Variants in NELL1 observed in about 807,000 individuals in gnomAD.
NELL1 encodes the protein neural EGFL like 1, also known as protein kinase C-binding protein NELL1.
In NELL1, 76 loss-of-function variants were observed where a neutral mutation model predicts 107.4. The ratio of observed to expected loss-of-function variants is 0.71; its 90% confidence interval spans 0.59 to 0.86. The LOEUF is 0.86. Ranked by LOEUF, NELL1 falls within the 40% of genes least tolerant of loss-of-function variation. NELL1 has a pLI of 0.00. For missense variants in NELL1, 1,024 were observed against 1,005.5 expected, an observed-to-expected ratio of 1.02 and a Z score of -0.25; for synonymous variants, 353 against 341.2, an observed-to-expected ratio of 1.03 and a Z score of -0.38.
intron 12 of NELL1, among the ~76,000 whole-genome samples, chr11:21,063,067 T>C (rs537659196): frequency 2.6e-4 from 38 of 143,976 alleles, no homozygotes; most frequent in Non-Finnish European, 1.1e-4. Flanking sequence ...AGGCTGGTCT[T>C]GAACTCCTGA....
chr11:21,162,144 T>A (rs1856386689), intron 13 of NELL1, among the ~76,000 whole-genome samples: 2 of 151,996 alleles, frequency 1.3e-5, no homozygotes, highest in South Asian at 4.1e-4. Context: ...AGAGACGGGA[T>A]TTCACCATGT....
intron 14 of NELL1, among the ~76,000 whole-genome samples, chr11:21,341,353 T>C (rs1850560487): frequency 6.6e-6 from 1 of 152,226 alleles, no homozygotes; most frequent in South Asian, 2.1e-4. Flanking sequence ...TGTGTTTTCC[T>C]CATATCACCA....
At chr11:21,347,644 A>G (rs1304244458) in intron 14 of NELL1, among the ~76,000 whole-genome samples, 1 of 152,182 alleles carries the variant, frequency 6.6e-6, no homozygotes, top group Non-Finnish European at 1.5e-5. Flanking sequence ...ATAACAGGAC[A>G]TTTACTAGAG....
intron 5 of NELL1, 35 bp downstream of exon 5, chr11:20,885,575 T>C: frequency 8.0e-7 from 1 of 1,243,802 alleles, no homozygotes; most frequent in Non-Finnish European, 1.2e-6. Context: ...GAAGTATATA[T>C]ATAGGCGATG....
intron 14 of NELL1, among the ~76,000 whole-genome samples, chr11:21,294,112 C>CA (rs1437929106): frequency 2.0e-5 from 3 of 151,938 alleles, no homozygotes; most frequent in Admixed American, 6.6e-5. Flanking sequence ...ATAAAAATGG[C>CA]AAAAAACTGT....
intron 5 of NELL1, among the ~76,000 whole-genome samples, chr11:20,903,230 C>T (rs1348303020): frequency 6.6e-6 from 1 of 151,942 alleles, no homozygotes; most frequent in East Asian, 1.9e-4. Context: ...AACAGAAATT[C>T]ATCCAAGTGT....
rs143490107 is a variant in NELL1, at chr11:20,876,263, CTG to C, written c.507-9177_507-9176del. On this transcript the variant is annotated intron_variant, in intron 4 of 19. Transcript: ENST00000357134. ...CCATAGTCTCTCTTCCCATTACAGT[CTG>C]TGTTTTCTGATATAATGCCTGAGGT... Among the ~76,000 whole-genome samples, 1,293 of 152,294 alleles carry C rather than the reference CTG, an allele frequency of 8.5e-3. 17 individuals are homozygous for C. Among genetic ancestry groups the C allele is most frequent in the African/African-American group, 0.03 (1,238 of 41,554 alleles).
chr11:21,256,552 G>A (rs1166986468), intron 14 of NELL1, among the ~76,000 whole-genome samples: 1 of 151,998 alleles, frequency 6.6e-6, no homozygotes, highest in East Asian at 1.9e-4. Context: ...TTATATAGCA[G>A]GTCTCATCCT....
intron 7 of NELL1, among the ~76,000 whole-genome samples, chr11:20,923,432 G>C (rs1482852066): frequency 1.3e-5 from 2 of 152,188 alleles, no homozygotes; most frequent in East Asian, 3.8e-4. Flanking sequence ...TTAAGGCAGA[G>C]AAGAGATGGG....
At position 21,570,893 on chromosome 11, in the gene NELL1, C is replaced by T. The variant is rs1857086525; in HGVS notation, c.2110C>T (p.Arg704Ter). The T allele has an allele frequency of 1.9e-6, 3 of 1,611,740 alleles. No individual in the cohort carries two copies. The highest frequency in any genetic ancestry group is 2.2e-5 in the South Asian group (2 of 90,982). Residue 704 changes from arginine (R) to a stop codon, truncating the protein, a stop_gained, in exon 18 of 20, where the codon CGA becomes TGA. Transcript: ENST00000357134. LOFTEE classifies it high-confidence loss of function. ...CLDQNGHKLY[R>*]SGDNWTHSCQ... ...AGACCAAAATGGTCACAAGCTGTATCGAAGTGGAGACAATTGGACCCATAG... is the reference window on the plus strand; with the variant it reads ...AGACCAAAATGGTCACAAGCTGTATTGAAGTGGAGACAATTGGACCCATAG...
intron 15 of NELL1, among the ~76,000 whole-genome samples, chr11:21,444,701 A>T (rs1316663335): frequency 6.6e-6 from 1 of 152,174 alleles, no homozygotes; most frequent in Non-Finnish European, 1.5e-5. Context: ...AGTATTCATC[A>T]TCTCAAGCAT....
At chr11:21,424,199 A>G (rs1452760779) in intron 15 of NELL1, among the ~76,000 whole-genome samples, 2 of 152,238 alleles carry the variant, frequency 1.3e-5, no homozygotes, top group African/African-American at 2.4e-5. Flanking sequence ...AGAAAGATCA[A>G]CAAAATTGAC....
At chr11:21,468,961 G>T (rs1854102485) in intron 15 of NELL1, among the ~76,000 whole-genome samples, 1 of 151,606 alleles carries the variant, frequency 6.6e-6, no homozygotes, top group Admixed American at 6.6e-5. Flanking sequence ...TTAGACACTT[G>T]AGATATTTTT....
At chr11:21,475,280 A>G (rs909192327) in intron 15 of NELL1, among the ~76,000 whole-genome samples, 1 of 152,112 alleles carries the variant, frequency 6.6e-6, no homozygotes, top group African/African-American at 2.4e-5. Context: ...AATTGGAAGT[A>G]TTGATGTCTG....
chr11:20,714,455 G>A (rs950211436), intron 2 of NELL1, among the ~76,000 whole-genome samples: 2 of 151,728 alleles, frequency 1.3e-5, no homozygotes, highest in East Asian at 1.9e-4. Flanking sequence ...TGACCTGCCC[G>A]CCTCAGCCTC....
intron 2 of NELL1, among the ~76,000 whole-genome samples, chr11:20,742,086 G>A (rs1485159595): frequency 2.0e-5 from 3 of 152,172 alleles, no homozygotes; most frequent in African/African-American, 7.2e-5. Context: ...ACTAGCTGGG[G>A]CTTTTCTCCA....
At chr11:20,902,275 CT>C (rs5790145) in intron 5 of NELL1, among the ~76,000 whole-genome samples, 12,853 of 145,142 alleles carry the variant, frequency 0.089, 945 homozygotes, top group African/African-American at 0.2. Context: ...AATAAGAAAC[CT>C]TTTTTTTTTA....
At chr11:20,817,833 GA>G (rs1433380502) in intron 3 of NELL1, among the ~76,000 whole-genome samples, 4 of 23,400 alleles carry the variant, frequency 1.7e-4, no homozygotes, top group African/African-American at 1.9e-4. Flanking sequence ...CTGTTTTAAA[GA>G]TTTTTTTTTT....
At chr11:21,293,885 A>C (rs1334464420) in intron 14 of NELL1, among the ~76,000 whole-genome samples, 1 of 152,102 alleles carries the variant, frequency 6.6e-6, no homozygotes, top group African/African-American at 2.4e-5. Context: ...AACAATGAAA[A>C]CACATGGAAA....
Sources: allele counts gnomAD v4.1 joint callset (sites outside exome capture counted in the v4.1 genomes callset), GRCh38; gene constraint gnomAD v4.1.1; transcripts MANE v1.5; gene names NCBI Gene and HGNC (gene_info 2026-07-23, HGNC 2026-07-21).